Variants in SORCS2 observed in about 807,000 individuals in gnomAD.
SORCS2 encodes the protein VPS10 domain-containing receptor SorCS2.
SORCS2 carries 100 observed loss-of-function variants against 141.6 expected under a neutral mutation model. The ratio of observed to expected loss-of-function variants is 0.71; its 90% CI spans 0.60 to 0.83. The LOEUF is 0.83. SORCS2 is among the 40% of genes least tolerant of loss of function. The pLI is 0.00. For missense variants in SORCS2, 1,646 were observed against 1,560.2 expected (o/e 1.05, Z -0.93); for synonymous variants, 789 against 676.9 (o/e 1.17, Z -2.57).
intron 2 of SORCS2, among the ~76,000 whole-genome samples, chr4:7,435,221 C>G (rs536644654): frequency 3.3e-5 from 5 of 152,160 alleles, no homozygotes; most frequent in Non-Finnish European, 5.9e-5. Context: ...TCCTGGGGTT[C>G]CCTTCCCTGC....
At chr4:7,336,199 T>A (rs1385997728) in intron 1 of SORCS2, among the ~76,000 whole-genome samples, 1 of 152,162 alleles carries the variant, frequency 6.6e-6, no homozygotes, top group East Asian at 1.9e-4. Flanking sequence ...CCTGGTCGAT[T>A]GCTCGTGGTG....
At chr4:7,480,127 C>T (rs111322760) in intron 2 of SORCS2, among the ~76,000 whole-genome samples, 252 of 152,290 alleles carry the variant, frequency 1.7e-3, no homozygotes, top group African/African-American at 5.6e-3. Context: ...CAGGGTGGGC[C>T]TGGAGTGGAG....
intron 3 of SORCS2, among the ~76,000 whole-genome samples, chr4:7,567,225 A>G (rs967155564): frequency 6.6e-5 from 10 of 152,180 alleles, no homozygotes; most frequent in African/African-American, 1.9e-4. Context: ...TGTCATGACT[A>G]AGGAACCAAT....
chr4:7,290,679 A>G (rs1429572048), intron 1 of SORCS2, among the ~76,000 whole-genome samples: 1 of 152,152 alleles, frequency 6.6e-6, no homozygotes, highest in East Asian at 1.9e-4. Context: ...GTATGCACAC[A>G]TGTGCATTAT....
intron 3 of SORCS2, among the ~76,000 whole-genome samples, chr4:7,613,208 A>G (rs76485833): frequency 2.2e-4 from 34 of 152,356 alleles, no homozygotes; most frequent in African/African-American, 8.2e-4. Flanking sequence ...CTGCTGCCCA[A>G]AATAGGTCTT....
chr4:7,264,104 G>GGTC (rs996976985), intron 1 of SORCS2, among the ~76,000 whole-genome samples: 3 of 152,164 alleles, frequency 2.0e-5, no homozygotes, highest in African/African-American at 7.2e-5. Flanking sequence ...GACCACACAG[G>GGTC]GTCACTGCGC....
chr4:7,383,563 A>G (rs928065791), intron 1 of SORCS2, among the ~76,000 whole-genome samples: 1 of 152,156 alleles, frequency 6.6e-6, no homozygotes, highest in Non-Finnish European at 1.5e-5. Flanking sequence ...TAAAAACAGG[A>G]TCAGCAATTT....
intron 2 of SORCS2, among the ~76,000 whole-genome samples, chr4:7,416,159 T>C (rs1577524090): frequency 6.6e-6 from 1 of 152,040 alleles, no homozygotes; most frequent in Non-Finnish European, 1.5e-5. Context: ...CTCTGTTCTG[T>C]AGGTGATGGG....
At chr4:7,721,953 A>ATCC in intron 18 of SORCS2, among the ~76,000 whole-genome samples, 1 of 152,198 alleles carries the variant, frequency 6.6e-6, no homozygotes, top group Non-Finnish European at 1.5e-5. Context: ...CAGGATGTGA[A>ATCC]TGGAGGGTAT....
At chr4:7,375,353 C>T (rs867998935) in intron 1 of SORCS2, among the ~76,000 whole-genome samples, 3 of 152,206 alleles carry the variant, frequency 2.0e-5, no homozygotes, top group East Asian at 3.8e-4. Flanking sequence ...CAGCTCCATG[C>T]GCCTCTGTCT....
At chr4:7,372,496 C>T (rs576327599) in intron 1 of SORCS2, among the ~76,000 whole-genome samples, 12 of 152,164 alleles carry the variant, frequency 7.9e-5, no homozygotes, top group African/African-American at 2.2e-4. Flanking sequence ...TCAGTAGAGA[C>T]GGGGTTTCAC....
intron 2 of SORCS2, among the ~76,000 whole-genome samples, chr4:7,415,420 C>A (rs76623120): frequency 9.7e-4 from 148 of 152,328 alleles, no homozygotes; most frequent in African/African-American, 3.4e-3. Context: ...AAGCCAGCAG[C>A]GTCACCTCCC....
chr4:7,716,438 C>T (rs1726193573), intron 17 of SORCS2, among the ~76,000 whole-genome samples: 1 of 152,228 alleles, frequency 6.6e-6, no homozygotes, highest in African/African-American at 2.4e-5. Flanking sequence ...TCTTTCCATT[C>T]ATCCTTCCAT....
intron 3 of SORCS2, among the ~76,000 whole-genome samples, chr4:7,572,151 G>T (rs1715446279): frequency 6.6e-6 from 1 of 152,158 alleles, no homozygotes; most frequent in Non-Finnish European, 1.5e-5. Flanking sequence ...TGTGAGCTGG[G>T]TCTTCCTTGG....
chr4:7,532,990 G>T (rs573617652), intron 3 of SORCS2, among the ~76,000 whole-genome samples: 39 of 151,648 alleles, frequency 2.6e-4, no homozygotes, highest in African/African-American at 8.9e-4. Flanking sequence ...GAAGAGAGGT[G>T]GGTTGACCTG....
At chr4:7,267,412 A>G (rs191547620) in intron 1 of SORCS2, among the ~76,000 whole-genome samples, 7 of 152,082 alleles carry the variant, frequency 4.6e-5, no homozygotes, top group Admixed American at 1.3e-4. Flanking sequence ...TAGGGCGTCT[A>G]TTTCCCCGCC....
At chr4:7,490,747 T>C (rs1731267796) in intron 2 of SORCS2, among the ~76,000 whole-genome samples, 1 of 152,164 alleles carries the variant, frequency 6.6e-6, no homozygotes, top group Non-Finnish European at 1.5e-5. Context: ...GTGTAATGGC[T>C]ATGCCTGTGA....
chr4:7,433,992 C>T (rs1465387183), intron 2 of SORCS2: 3 of 1,613,632 alleles, frequency 1.9e-6, no homozygotes, highest in African/African-American at 2.7e-5. Flanking sequence ...CGTTCATGCA[C>T]ACCTCACAGG....
intron 1 of SORCS2, among the ~76,000 whole-genome samples, chr4:7,243,194 C>T (rs73206406): frequency 0.039 from 5,895 of 152,234 alleles, 155 homozygotes; most frequent in Non-Finnish European, 0.055. Context: ...GTTCTGGTCT[C>T]GCCAGCATTG....
Sources: gnomAD v4.1 joint callset for allele counts (sites outside exome capture counted in the v4.1 genomes callset) on GRCh38, gnomAD v4.1.1 for gene constraint, MANE v1.5 for transcripts, NCBI Gene and HGNC (gene_info 2026-07-23, HGNC 2026-07-21) for gene names.